The following DOCK4 variants were observed in gnomAD, a reference collection of about 807,000 sequenced individuals.
DOCK4 encodes the protein dedicator of cytokinesis 4.
In DOCK4, 97 loss-of-function variants were observed where a neutral mutation model predicts 268.1. The ratio of observed to expected loss-of-function variants is 0.36; its 90% CI spans 0.31 to 0.43. The LOEUF (loss-of-function observed/expected upper bound fraction) is 0.43. DOCK4 is among the 20% of genes least tolerant of loss of function. The pLI is 1.00. For synonymous variants in DOCK4, 954 were observed against 887.2 expected (o/e 1.08, Z -1.34); for missense variants, 2,145 against 2,455.7 (o/e 0.87, Z 2.67).
At chr7:111,793,930 G>A (rs984176141) in intron 30 of DOCK4, among the ~76,000 whole-genome samples, 14 of 152,138 alleles carry the variant, frequency 9.2e-5, no homozygotes, top group Admixed American at 5.2e-4. Context: ...TTGGATGAGG[G>A]ATGTGCTGGC....
intron 26 of DOCK4, among the ~76,000 whole-genome samples, chr7:111,826,387 T>C (rs1203170012): frequency 6.6e-6 from 1 of 152,216 alleles, no homozygotes; most frequent in Admixed American, 6.5e-5. Flanking sequence ...CTGAGGGGTA[T>C]TATGCAGATG....
intron 1 of DOCK4, among the ~76,000 whole-genome samples, chr7:112,086,970 G>T (rs916205067): frequency 6.6e-6 from 1 of 152,100 alleles, no homozygotes; most frequent in African/African-American, 2.4e-5. Context: ...GGATTTTAAT[G>T]AATAACCTTG....
intron 21 of DOCK4, among the ~76,000 whole-genome samples, chr7:111,868,547 C>T (rs1007209786): frequency 3.3e-5 from 5 of 151,932 alleles, no homozygotes; most frequent in African/African-American, 1.2e-4. Context: ...CACATCTCTA[C>T]CAAAAATACA....
At chr7:111,981,269 A>T (rs977136347) in intron 7 of DOCK4, among the ~76,000 whole-genome samples, 1 of 152,224 alleles carries the variant, frequency 6.6e-6, no homozygotes, top group Non-Finnish European at 1.5e-5. Flanking sequence ...GGGATTGGTG[A>T]TGGTGCCTCC....
intron 1 of DOCK4, among the ~76,000 whole-genome samples, chr7:112,040,007 TG>T (rs1248517116): frequency 6.6e-6 from 1 of 152,172 alleles, no homozygotes; most frequent in African/African-American, 2.4e-5. Context: ...GTAAGTGGTT[TG>T]GGGCCCAGAC....
At position 111,839,521 on chromosome 7, in the gene DOCK4, T is replaced by G. The variant is rs1030225939; in HGVS notation, c.2737-4835A>C. Among the ~76,000 whole-genome samples the G allele has an allele frequency of 4.6e-5, 7 of 152,356 alleles. 1 individual carries two copies. The South Asian group carries it at 1.4e-3, about 32-fold the overall frequency. ...TGCAATAAGGAATAGACTTTCATCT[T>G]AAGCCTTTACAGTCAATATACATAG... On this transcript the variant is annotated intron_variant, in intron 25 of 52. Transcript: ENST00000428084.
intron 26 of DOCK4, among the ~76,000 whole-genome samples, chr7:111,824,514 G>A (rs1162396597): frequency 6.6e-6 from 1 of 152,074 alleles, no homozygotes; most frequent in African/African-American, 2.4e-5. Flanking sequence ...CGCCTCAAAA[G>A]TTGTAAGAGA....
intron 44 of DOCK4, among the ~76,000 whole-genome samples, chr7:111,745,711 G>A (rs1319422388): frequency 1.1e-3 from 48 of 44,254 alleles, no homozygotes; most frequent in Middle Eastern, 0.014. Context: ...AAAAAAAAAA[G>A]TTGGCATCAA....
At chr7:112,192,055 G>A (rs1587016395) in intron 1 of DOCK4, among the ~76,000 whole-genome samples, 1 of 147,206 alleles carries the variant, frequency 6.8e-6, no homozygotes, top group African/African-American at 2.5e-5. Flanking sequence ...TATATACAGT[G>A]TTTGTGCTTG....
chr7:112,190,568 T>A (rs1189321426), intron 1 of DOCK4, among the ~76,000 whole-genome samples: 1 of 151,812 alleles, frequency 6.6e-6, no homozygotes, highest in Non-Finnish European at 1.5e-5. Context: ...GGACAGCGTA[T>A]GAGAGAAAGA....
chr7:111,972,682 G>GT (rs940105734), intron 8 of DOCK4, among the ~76,000 whole-genome samples: 4 of 151,026 alleles, frequency 2.6e-5, no homozygotes, highest in East Asian at 3.9e-4. Flanking sequence ...CCTTTTTTAC[G>GT]TTTTTTAGCA....
At chr7:112,145,033 A>G (rs1048456580) in intron 1 of DOCK4, among the ~76,000 whole-genome samples, 1 of 152,114 alleles carries the variant, frequency 6.6e-6, no homozygotes, top group South Asian at 2.1e-4. Flanking sequence ...CTGTAAGAGC[A>G]CTCCCTATAT....
At chr7:112,136,637 T>G (rs760710606) in intron 1 of DOCK4, among the ~76,000 whole-genome samples, 1 of 152,172 alleles carries the variant, frequency 6.6e-6, no homozygotes, top group African/African-American at 2.4e-5. Flanking sequence ...GTAACTACTA[T>G]CAGGCTGGCA....
intron 12 of DOCK4, 152 bp downstream of exon 12, chr7:111,935,388 A>G (rs1562908993): frequency 1.4e-6 from 1 of 713,664 alleles, no homozygotes; most frequent in Non-Finnish European, 2.6e-6. Context: ...TAGCATAGGA[A>G]GACATACCAG....
At chr7:111,977,788 A>G (rs1009405307) in intron 7 of DOCK4, among the ~76,000 whole-genome samples, 2 of 152,238 alleles carry the variant, frequency 1.3e-5, no homozygotes, top group African/African-American at 2.4e-5. Flanking sequence ...ACTAAATTGT[A>G]AAGTTGTGGT....
At chr7:112,069,933 C>G (rs1298741837) in intron 1 of DOCK4, among the ~76,000 whole-genome samples, 1 of 152,178 alleles carries the variant, frequency 6.6e-6, no homozygotes, top group African/African-American at 2.4e-5. Flanking sequence ...GAGAGTTACA[C>G]AGTACACAAA....
intron 1 of DOCK4, among the ~76,000 whole-genome samples, chr7:112,171,849 C>A (rs1586969838): frequency 6.6e-6 from 1 of 152,316 alleles, no homozygotes; most frequent in Middle Eastern, 3.4e-3. Context: ...GTTCTGGAGG[C>A]TGGAAGTCCA....
At chr7:112,108,802 T>C (rs1811363924) in intron 1 of DOCK4, among the ~76,000 whole-genome samples, 2 of 152,212 alleles carry the variant, frequency 1.3e-5, no homozygotes, top group African/African-American at 2.4e-5. Context: ...ACCCAACAAT[T>C]GCTAAAGAAA....
At chr7:111,866,721 C>T (rs924815595) in intron 22 of DOCK4, among the ~76,000 whole-genome samples, 3 of 152,066 alleles carry the variant, frequency 2.0e-5, no homozygotes, top group East Asian at 1.9e-4. Flanking sequence ...CCATGCCTTA[C>T]GGTTACTCTT....
Sources: gnomAD v4.1 joint callset for allele counts (sites outside exome capture counted in the v4.1 genomes callset) on GRCh38, gnomAD v4.1.1 for gene constraint, MANE v1.5 for transcripts, NCBI Gene and HGNC (gene_info 2026-07-23, HGNC 2026-07-21) for gene names.